The following LPO variants were observed in gnomAD, a reference collection of about 807,000 sequenced individuals.
The protein encoded by LPO is salivary peroxidase.
In LPO, 70 loss-of-function variants were observed where a neutral mutation model predicts 68.4. That is an observed-to-expected ratio of 1.02 (90% CI 0.84 to 1.25). The LOEUF is 1.25. Ranked by LOEUF, LPO falls within the 50% of genes most tolerant of loss-of-function variation. LPO has a pLI of 0.00. For missense variants in LPO, 873 were observed against 908.4 expected, an observed-to-expected ratio of 0.96 and a Z score of 0.50; for synonymous variants, 360 against 357.6, an observed-to-expected ratio of 1.01 and a Z score of -0.08.
At chr17:58,261,858 G>T (rs1363203581) in intron 9 of LPO, among the ~76,000 whole-genome samples, 3 of 152,184 alleles carry the variant, frequency 2.0e-5, no homozygotes, top group Non-Finnish European at 4.4e-5. Flanking sequence ...GAGAGATAGA[G>T]ATATGGATTT....
At chr17:58,248,983 G>T (rs1187922690) in intron 4 of LPO, 77 bp from the exon 5 acceptor site, 27 of 1,062,138 alleles carry the variant, frequency 2.5e-5, no homozygotes, top group Middle Eastern at 2.0e-4. Flanking sequence ...TTCACCTCTG[G>T]TCTCCATTTC....
intron 4 of LPO, among the ~76,000 whole-genome samples, 174 bp downstream of exon 4, chr17:58,247,812 G>A (rs1292695441): frequency 6.6e-6 from 1 of 152,228 alleles, no homozygotes; most frequent in Non-Finnish European, 1.5e-5. Flanking sequence ...AGGTCTTAGA[G>A]GACAGCTAGG....
intron 6 of LPO, among the ~76,000 whole-genome samples, chr17:58,249,938 C>T (rs1969927411): frequency 2.0e-5 from 3 of 152,332 alleles, no homozygotes; most frequent in African/African-American, 7.2e-5. Flanking sequence ...GGCAGATGGC[C>T]TCCCTGCCCC....
chr17:58,258,863 G>T (rs1970121678), intron 9 of LPO, among the ~76,000 whole-genome samples: 1 of 152,124 alleles, frequency 6.6e-6, no homozygotes, highest in African/African-American at 2.4e-5. Flanking sequence ...TGCCACTTGT[G>T]CATCCTCTTC....
chr17:58,245,984 G>A (rs8178306), intron 3 of LPO, among the ~76,000 whole-genome samples: 4,204 of 152,232 alleles, frequency 0.028, 196 homozygotes, highest in African/African-American at 0.096. Context: ...GACAGAACGA[G>A]TCACATTTAA....
rs558311172 is a variant in LPO at position 58,249,823 on chromosome 17, A to G, written c.573+128A>G. 68 of 1,300,270 alleles carry G rather than the reference A, an allele frequency of 5.2e-5. No individual in the cohort carries two copies. The South Asian group carries it at 1.0e-3, about 19-fold the overall frequency. 80.5% of individuals were successfully genotyped at this position (1,300,270 alleles called of 1,614,324 possible). ...AGGGGTGCGCGATGGAGATCTGCAC[A>G]GACCCCCACCTTCCGCTAGAGGGCA... On this transcript the variant is annotated intron_variant, in intron 6 of 12. Coordinates refer to ENST00000262290, the MANE Select transcript of LPO (RefSeq NM_006151.3).
chr17:58,249,453 C>T lies in LPO; in HGVS notation c.444-113C>T, dbSNP rs1598022891. ...CAGAGACCCCAAATTTGAGAGGCCCCCTTCTCTGCGTCCCCTCCGCCTCGA... is the reference window on the plus strand; with the variant it reads ...CAGAGACCCCAAATTTGAGAGGCCCTCTTCTCTGCGTCCCCTCCGCCTCGA... On this transcript the variant is annotated intron_variant, in intron 5 of 12. Transcript: ENST00000262290. 8 of 1,442,016 alleles carry T rather than the reference C, an allele frequency of 5.5e-6. No individual in the cohort carries two copies. In the East Asian group the frequency reaches 1.7e-4, roughly 30 times the overall value. 89.3% of individuals were successfully genotyped at this position (1,442,016 alleles called of 1,614,324 possible).
rs1969981081 is a variant in LPO, at chr17:58,252,494, T to C, written c.1093T>C (p.Cys365Arg). The part of the protein sequence containing the change: ...EFINTTARVP[C>R]FLAGDSRASE... ...CATCAACACCACTGCCCGTGTGCCC[T>C]GCTTCCTGGCAGGTGAGTCTAGCCT... The change falls in exon 8 of 13, where the codon TGC becomes CGC. Residue 365 changes from cysteine to arginine, a missense_variant. Cys to Arg is a radical substitution (Grantham distance 180). Transcript: ENST00000262290. 1 of 1,611,046 alleles carries C rather than the reference T, an allele frequency of 6.2e-7. No homozygotes were observed. The highest frequency in any genetic ancestry group is 1.3e-5 in the African/African-American group (1 of 74,852).
intron 8 of LPO, 70 bp downstream of exon 8, chr17:58,252,576 CCTT>C: frequency 6.9e-7 from 1 of 1,443,892 alleles, no homozygotes. Flanking sequence ...ACCACTGCCC[CCTT>C]CTTGTCATCT....
At chr17:58,266,742 C>G (rs1970274936) in intron 11 of LPO, among the ~76,000 whole-genome samples, 1 of 152,192 alleles carries the variant, frequency 6.6e-6, no homozygotes, top group Non-Finnish European at 1.5e-5. Context: ...AGGTGCAAGC[C>G]ACCATGTCCA....
chr17:58,250,792 A>G, intron 7 of LPO, 171 bp downstream of exon 7: 1 of 663,976 alleles, frequency 1.5e-6, no homozygotes, highest in Non-Finnish European at 2.6e-6. Flanking sequence ...GTAAATAGAC[A>G]TTGACCACCC....
chr17:58,267,761 G>A (rs751990486), intron 12 of LPO, 26 bp from the exon 13 acceptor site: 3 of 1,606,048 alleles, frequency 1.9e-6, no homozygotes, highest in Admixed American at 1.7e-5. Flanking sequence ...CCAGACTGTG[G>A]AGTGACTCTA....
chr17:58,249,711 G>A lies in LPO; in HGVS notation c.573+16G>A. ...TCTCCCGCTGGTGAGGGCAGGCCGG[G>A]CCGGGGTGAAGGATGGGAGCCAGAG... On this transcript the variant is annotated intron_variant, in intron 6 of 12. Transcript: ENST00000262290. 2 of 1,549,662 alleles carry A rather than the reference G, an allele frequency of 1.3e-6. No homozygotes were observed. The highest frequency in any genetic ancestry group is 1.4e-5 in the African/African-American group (1 of 72,988).
intron 4 of LPO, 53 bp from the exon 5 acceptor site, chr17:58,249,007 G>A: frequency 2.2e-6 from 3 of 1,376,168 alleles, no homozygotes; most frequent in South Asian, 1.2e-5. Context: ...CCTCCCACGG[G>A]TGCCTGTGAA....
In LPO at chr17:58,268,012, G is replaced by C. The variant is rs199847707; in HGVS notation, c.*18G>C. On this transcript the variant is annotated 3_prime_UTR_variant, in exon 13 of 13. Transcript: ENST00000262290. Reference sequence around the variant, plus strand: ...AGAATTAGGGGCCCGCGCTGCACAGGAAAGTTCCCTTTGGTCCACAGGGCC... The same window carrying C: ...AGAATTAGGGGCCCGCGCTGCACAGCAAAGTTCCCTTTGGTCCACAGGGCC... The C allele has an allele frequency of 2.9e-4, 463 of 1,612,338 alleles. 4 individuals carry two copies. The East Asian group carries it at 7.1e-3, about 25-fold the overall frequency.
chr17:58,255,043 G>A, intron 9 of LPO, 72 bp downstream of exon 9: 2 of 1,536,078 alleles, frequency 1.3e-6, no homozygotes, highest in African/African-American at 1.4e-5. Flanking sequence ...TCTGCTGGCT[G>A]CTGTGCCTCA....
intron 10 of LPO, among the ~76,000 whole-genome samples, chr17:58,265,333 G>GTAAA (rs1394762083): frequency 1.3e-5 from 2 of 152,044 alleles, no homozygotes; most frequent in African/African-American, 4.8e-5. Context: ...ACAGGGTTTG[G>GTAAA]TAAATAAATT....
intron 5 of LPO, 91 bp from the exon 6 acceptor site, chr17:58,249,475 T>A (rs1275100634): frequency 6.6e-7 from 1 of 1,509,680 alleles, no homozygotes; most frequent in Non-Finnish European, 8.8e-7. Context: ...CCCCTCCGCC[T>A]CGAGCAGAGG....
chr17:58,266,004 G>C (rs921095777), intron 10 of LPO, 149 bp from the exon 11 acceptor site: 1 of 716,722 alleles, frequency 1.4e-6, no homozygotes, highest in Non-Finnish European at 2.3e-6. Context: ...AGGCTGCACT[G>C]TGCTCTTCTC....
Sources: gnomAD v4.1 joint callset for allele counts (sites outside exome capture counted in the v4.1 genomes callset) on GRCh38, gnomAD v4.1.1 for gene constraint, MANE v1.5 for transcripts, NCBI Gene and HGNC (gene_info 2026-07-23, HGNC 2026-07-21) for gene names.